HTR7: variants seen among roughly 807,000 people sequenced by gnomAD.
HTR7 encodes 5-HT-7.
In HTR7, 16 loss-of-function variants were observed where a neutral mutation model predicts 34.0. The ratio of observed to expected loss-of-function variants is 0.47; its 90% CI spans 0.32 to 0.71. HTR7 has a LOEUF of 0.71. Among genes scored for constraint, HTR7 ranks in the 30% least tolerant of loss-of-function variants. The probability of loss-of-function intolerance (pLI) is 0.04; values close to 1 mark genes in which losing one functional copy is unlikely to be tolerated. For missense variants in HTR7, 504 were observed against 625.5 expected (o/e 0.81, Z 2.07); for synonymous variants, 265 against 260.2 (o/e 1.02, Z -0.18).
At chr10:90,769,914 C>T (rs1845080108) in intron 1 of HTR7, among the ~76,000 whole-genome samples, 1 of 152,256 alleles carries the variant, frequency 6.6e-6, no homozygotes. Context: ...AGCAGGCAGT[C>T]CAGAGCAGCC....
At chr10:90,842,137 G>A (rs1846338592) in intron 1 of HTR7, among the ~76,000 whole-genome samples, 1 of 152,206 alleles carries the variant, frequency 6.6e-6, no homozygotes, top group Admixed American at 6.5e-5. Flanking sequence ...ACTTTTGGGA[G>A]GTGATTAAGT....
At chr10:90,805,599 G>A (rs1002691930) in intron 1 of HTR7, among the ~76,000 whole-genome samples, 4 of 152,210 alleles carry the variant, frequency 2.6e-5, no homozygotes, top group Non-Finnish European at 5.9e-5. Context: ...AGATGCAAAT[G>A]TAGAGTTGCC....
At chr10:90,743,742 A>C in intron 2 of HTR7, 52 bp from the exon 3 acceptor site, 1 of 1,315,708 alleles carries the variant, frequency 7.6e-7, no homozygotes, top group South Asian at 1.2e-5. Context: ...AAATTTTAAA[A>C]GAAAAAAAGA....
intron 1 of HTR7, among the ~76,000 whole-genome samples, chr10:90,772,388 G>A (rs1845130010): frequency 6.6e-6 from 1 of 151,918 alleles, no homozygotes; most frequent in Non-Finnish European, 1.5e-5. Flanking sequence ...TTTCTTCTAG[G>A]AAATAAAAAA....
chr10:90,820,504 T>A (rs1228672886), intron 1 of HTR7, among the ~76,000 whole-genome samples: 1 of 152,230 alleles, frequency 6.6e-6, no homozygotes, highest in Non-Finnish European at 1.5e-5. Flanking sequence ...ATGTGCCTTC[T>A]AGTAATTTTC....
At chr10:90,838,538 T>C (rs973626509) in intron 1 of HTR7, among the ~76,000 whole-genome samples, 1 of 152,230 alleles carries the variant, frequency 6.6e-6, no homozygotes, top group African/African-American at 2.4e-5. Context: ...ACCATTAAAA[T>C]TAAAAGCCAG....
At chr10:90,755,518 A>G (rs899317237) in intron 1 of HTR7, among the ~76,000 whole-genome samples, 1 of 152,250 alleles carries the variant, frequency 6.6e-6, no homozygotes, top group African/African-American at 2.4e-5. Flanking sequence ...GACTTTTTAA[A>G]TGCTGGCCTT....
At chr10:90,822,360 G>A (rs1589467179) in intron 1 of HTR7, among the ~76,000 whole-genome samples, 1 of 152,330 alleles carries the variant, frequency 6.6e-6, no homozygotes, top group South Asian at 2.1e-4. Context: ...GCCTACCCCT[G>A]CCCTAGAGAT....
chr10:90,748,498 C>T (rs1844675956), intron 2 of HTR7, among the ~76,000 whole-genome samples: 1 of 152,126 alleles, frequency 6.6e-6, no homozygotes, highest in Non-Finnish European at 1.5e-5. Context: ...AGAATAATAA[C>T]AACTAAAATA....
chr10:90,786,633 A>C (rs1845384612), intron 1 of HTR7, among the ~76,000 whole-genome samples: 1 of 152,238 alleles, frequency 6.6e-6, no homozygotes, highest in Admixed American at 6.5e-5. Flanking sequence ...TAATACAGGA[A>C]ATCTGTAAAA....
intron 1 of HTR7, among the ~76,000 whole-genome samples, chr10:90,856,768 G>T (rs1359766722): frequency 6.6e-6 from 1 of 152,122 alleles, no homozygotes; most frequent in Non-Finnish European, 1.5e-5. Flanking sequence ...ATTTTTTAAT[G>T]ACTCTTTAAG....
At chr10:90,792,839 T>A (rs1226972191) in intron 1 of HTR7, among the ~76,000 whole-genome samples, 1 of 151,948 alleles carries the variant, frequency 6.6e-6, no homozygotes, top group African/African-American at 2.4e-5. Context: ...AAACCATATA[T>A]CCACATGCAA....
chr10:90,842,719 A>C, intron 1 of HTR7, among the ~76,000 whole-genome samples: 1 of 148,616 alleles, frequency 6.7e-6, no homozygotes, highest in South Asian at 2.1e-4. Flanking sequence ...TATTTAGTGA[A>C]AAAAAAAAAA....
intron 1 of HTR7, among the ~76,000 whole-genome samples, chr10:90,773,539 C>T (rs1845153376): frequency 6.6e-6 from 1 of 152,112 alleles, no homozygotes; most frequent in Admixed American, 6.5e-5. Context: ...CCCTGTTGTA[C>T]TATCGAATAG....
chr10:90,807,437 G>A (rs1845721774), intron 1 of HTR7, among the ~76,000 whole-genome samples: 1 of 152,116 alleles, frequency 6.6e-6, no homozygotes, highest in Admixed American at 6.5e-5. Context: ...CAAAAGAAGT[G>A]AAAATGGCCT....
At chr10:90,803,830 G>A (rs1315472646) in intron 1 of HTR7, among the ~76,000 whole-genome samples, 4 of 152,198 alleles carry the variant, frequency 2.6e-5, no homozygotes, top group African/African-American at 9.7e-5. Context: ...CAGGAGGCAG[G>A]AAAATACTGG....
At chr10:90,802,264 C>G (rs1845639364) in intron 1 of HTR7, among the ~76,000 whole-genome samples, 1 of 152,220 alleles carries the variant, frequency 6.6e-6, no homozygotes, top group Non-Finnish European at 1.5e-5. Context: ...GCCAGCCAAT[C>G]TGAAAAGACT....
At chr10:90,801,654 G>A (rs537314230) in intron 1 of HTR7, among the ~76,000 whole-genome samples, 6 of 152,212 alleles carry the variant, frequency 3.9e-5, no homozygotes, top group African/African-American at 1.4e-4. Context: ...CTCCTCCTTG[G>A]CCCCCACAAT....
chr10:90,822,269 C>G (rs1457331230), intron 1 of HTR7, among the ~76,000 whole-genome samples: 3 of 152,146 alleles, frequency 2.0e-5, no homozygotes, highest in Non-Finnish European at 4.4e-5. Context: ...GCTGAAGTCT[C>G]AGATGGAGAT....
Sources: gnomAD v4.1 joint callset for allele counts (sites outside exome capture counted in the v4.1 genomes callset) on GRCh38, gnomAD v4.1.1 for gene constraint, MANE v1.5 for transcripts, NCBI Gene and HGNC (gene_info 2026-07-23, HGNC 2026-07-21) for gene names.